Variants in TMTC2 observed in about 807,000 individuals in gnomAD.
TMTC2 encodes the protein transmembrane O-mannosyltransferase targeting cadherins 2, also known as protein O-mannosyl-transferase TMTC2.
Under a neutral mutation model 82.4 loss-of-function variants are expected in TMTC2, and 43 were observed. The observed-to-expected ratio is 0.52, with a 90% CI of 0.41 to 0.67. TMTC2 has a LOEUF of 0.67. TMTC2 is among the 30% of genes least tolerant of loss of function. TMTC2 has a pLI of 0.00. For synonymous variants in TMTC2, 408 were observed against 381.9 expected (o/e 1.07, Z -0.80); for missense variants, 919 against 1,012.4 (o/e 0.91, Z 1.25).
At position 82,863,965 on chromosome 12, in the gene TMTC2, G is replaced by T. The variant is rs184532590; in HGVS notation, c.654+6385G>T. On this transcript the variant is annotated intron_variant, in intron 2 of 11. Coordinates refer to ENST00000321196, the MANE Select transcript of TMTC2 (RefSeq NM_152588.3). ...TTGAGAGGAAGGGGAGGTTACTTTT[G>T]GTTGAGGGGATCAAGAAATGCCTTC... 1.1e-3 allele frequency among the ~76,000 whole-genome samples: 165 copies of T among 152,244 alleles called. 2 individuals carry two copies. The East Asian group carries it at 0.026, about 24-fold the overall frequency.
At chr12:82,935,011 GA>G (rs138754057) in intron 4 of TMTC2, among the ~76,000 whole-genome samples, 2,864 of 151,866 alleles carry the variant, frequency 0.019, 101 homozygotes, top group East Asian at 0.17. Flanking sequence ...TTCAAATTTA[GA>G]AAAAAATAAC....
chr12:83,097,757 A>G (rs1032265018), intron 11 of TMTC2, among the ~76,000 whole-genome samples: 2 of 152,318 alleles, frequency 1.3e-5, no homozygotes. Flanking sequence ...AAATGACGAG[A>G]TTTAATCTGG....
intron 9 of TMTC2, among the ~76,000 whole-genome samples, chr12:83,049,999 C>G (rs150937704): frequency 1.3e-5 from 2 of 152,074 alleles, no homozygotes; most frequent in African/African-American, 4.8e-5. Context: ...GTGTGCAACT[C>G]AGAACTTAAT....
At chr12:82,699,729 C>T (rs1240317040) in intron 1 of TMTC2, among the ~76,000 whole-genome samples, 5 of 152,022 alleles carry the variant, frequency 3.3e-5, no homozygotes, top group Non-Finnish European at 5.9e-5. Context: ...TAAAAAATGT[C>T]TTTCAGAGTT....
intron 3 of TMTC2, among the ~76,000 whole-genome samples, chr12:82,919,844 C>T (rs1367624335): frequency 2.0e-5 from 3 of 152,212 alleles, no homozygotes; most frequent in African/African-American, 7.2e-5. Flanking sequence ...AGAACTGCCA[C>T]GCCCATGGCT....
At chr12:83,082,915 G>A (rs1040733826) in intron 11 of TMTC2, among the ~76,000 whole-genome samples, 6 of 152,186 alleles carry the variant, frequency 3.9e-5, no homozygotes, top group Admixed American at 3.9e-4. Flanking sequence ...ATATTCACAT[G>A]TCCTGGTAGG....
At chr12:82,795,297 G>GA (rs1878664076) in intron 1 of TMTC2, among the ~76,000 whole-genome samples, 1 of 133,326 alleles carries the variant, frequency 7.5e-6, no homozygotes, top group Non-Finnish European at 1.6e-5. Context: ...GGGCAACAGA[G>GA]AGAGATTCCA....
intron 11 of TMTC2, among the ~76,000 whole-genome samples, chr12:83,119,684 C>G (rs1398055960): frequency 1.3e-5 from 2 of 152,026 alleles, no homozygotes; most frequent in African/African-American, 4.8e-5. Flanking sequence ...AGTTTAAATC[C>G]ATTGTTTCTT....
At chr12:82,864,703 A>G (rs369320551) in intron 2 of TMTC2, among the ~76,000 whole-genome samples, 2 of 151,012 alleles carry the variant, frequency 1.3e-5, no homozygotes, top group South Asian at 2.1e-4. Flanking sequence ...GGGCTTCACC[A>G]TGTTGGCCAG....
intron 8 of TMTC2, among the ~76,000 whole-genome samples, chr12:82,990,494 C>T (rs753719183): frequency 4.6e-5 from 7 of 152,138 alleles, no homozygotes; most frequent in Non-Finnish European, 5.9e-5. Context: ...TCCTTTTCCT[C>T]TCTTTGCCTG....
At position 82,985,995 on chromosome 12, in the gene TMTC2, G is replaced by A. The variant is rs760413757; in HGVS notation, c.2019G>A (p.Lys673=). The A allele has an allele frequency of 6.2e-7, 1 of 1,614,026 alleles. No individual in the cohort carries two copies. Among genetic ancestry groups the A allele is most frequent in the Non-Finnish European group, 8.5e-7 (1 of 1,179,932 alleles). Residue 673 remains lysine, a synonymous_variant, in exon 8 of 12, where the codon AAG becomes AAA. Coordinates refer to ENST00000321196, the MANE Select transcript of TMTC2 (RefSeq NM_152588.3). The part of the protein sequence containing the change: ...EHWYMESLRS[K]TDHIPAHLTY... ...GGTATATGGAATCACTGAGATCCAA[G>A]ACTGACCACATCCCTGCTCATCTCA...
At chr12:82,751,846 A>G (rs1296520307) in intron 1 of TMTC2, among the ~76,000 whole-genome samples, 1 of 152,200 alleles carries the variant, frequency 6.6e-6, no homozygotes, top group Admixed American at 6.5e-5. Context: ...CCATATTTAC[A>G]TATTTTGGAT....
chr12:82,890,798 G>A (rs563353783), intron 2 of TMTC2, among the ~76,000 whole-genome samples: 2 of 152,178 alleles, frequency 1.3e-5, no homozygotes, highest in Admixed American at 1.3e-4. Context: ...TTTTTTTTAT[G>A]AGAAGTTCAT....
chr12:83,059,364 C>CT (rs1280675946), intron 10 of TMTC2, among the ~76,000 whole-genome samples: 3 of 151,748 alleles, frequency 2.0e-5, no homozygotes, highest in Non-Finnish European at 4.4e-5. Context: ...AGTTATTCTC[C>CT]TTTGTCTAGA....
chr12:83,045,727 G>GGGCT (rs1437284307), intron 9 of TMTC2, among the ~76,000 whole-genome samples: 5 of 142,438 alleles, frequency 3.5e-5, no homozygotes, highest in Non-Finnish European at 7.6e-5. Context: ...ACACACACAC[G>GGGCT]CACACACACA....
chr12:82,794,508 T>G (rs1344753689), intron 1 of TMTC2, among the ~76,000 whole-genome samples: 1 of 152,152 alleles, frequency 6.6e-6, no homozygotes, highest in African/African-American at 2.4e-5. Flanking sequence ...TGAATTTTGC[T>G]GGTTGTGTGT....
intron 2 of TMTC2, among the ~76,000 whole-genome samples, chr12:82,887,489 G>A (rs368878865): frequency 1.3e-5 from 2 of 152,076 alleles, no homozygotes; most frequent in East Asian, 1.9e-4. Flanking sequence ...CATATTTCAG[G>A]TGATATGTGG....
At chr12:83,123,007 CTG>C (rs1374590540) in intron 11 of TMTC2, among the ~76,000 whole-genome samples, 1 of 152,212 alleles carries the variant, frequency 6.6e-6, no homozygotes, top group Non-Finnish European at 1.5e-5. Flanking sequence ...ACTTTAAAGT[CTG>C]TTAGAAATAA....
chr12:82,710,191 T>G (rs1205684876), intron 1 of TMTC2, among the ~76,000 whole-genome samples: 2 of 152,204 alleles, frequency 1.3e-5, no homozygotes, highest in Non-Finnish European at 2.9e-5. Context: ...GTTTACAAGT[T>G]TTGCTTAGTG....
Sources: gnomAD v4.1 joint callset for allele counts (sites outside exome capture counted in the v4.1 genomes callset) on GRCh38, gnomAD v4.1.1 for gene constraint, MANE v1.5 for transcripts, NCBI Gene and HGNC (gene_info 2026-07-23, HGNC 2026-07-21) for gene names.